Variants in TENM3 observed in about 807,000 individuals in gnomAD.
TENM3 encodes the protein teneurin transmembrane protein 3.
Under a neutral mutation model 255.1 loss-of-function variants are expected in TENM3, and 63 were observed. The ratio of observed to expected loss-of-function variants is 0.25; its 90% CI spans 0.20 to 0.30. TENM3 has a LOEUF of 0.30. TENM3 is among the 10% of genes least tolerant of loss of function. The pLI is 1.00. For missense variants in TENM3, 2,929 were observed against 3,461.1 expected (o/e 0.85, Z 3.86); for synonymous variants, 1,306 against 1,322.3 (o/e 0.99, Z 0.27).
intron 14 of TENM3, 89 bp downstream of exon 14, chr4:182,729,270 A>C: frequency 8.9e-7 from 1 of 1,121,350 alleles, no homozygotes; most frequent in South Asian, 1.5e-5. Context: ...TGTGAACCTG[A>C]GGAAAGTGCT....
At chr4:181,458,570 T>G in the TENM3 span, among the ~76,000 whole-genome samples, 1 of 151,876 alleles carries the variant, frequency 6.6e-6, no homozygotes, top group Non-Finnish European at 1.5e-5. Context: ...ACAGTTTACT[T>G]TGCATATTCT....
At chr4:181,902,263 T>A in the TENM3 span, among the ~76,000 whole-genome samples, 1 of 152,068 alleles carries the variant, frequency 6.6e-6, no homozygotes, top group Non-Finnish European at 1.5e-5. Context: ...TAGACCTTTA[T>A]CAGATGGGTA....
chr4:181,805,488 A>T, the TENM3 span, among the ~76,000 whole-genome samples: 1 of 152,094 alleles, frequency 6.6e-6, no homozygotes, highest in Non-Finnish European at 1.5e-5. Flanking sequence ...CTCAGGGAAG[A>T]ATTTCCTTGC....
chr4:182,189,337 C>CA (rs1229617937), intron 1 of TENM3, among the ~76,000 whole-genome samples: 12 of 151,912 alleles, frequency 7.9e-5, no homozygotes, highest in Non-Finnish European at 1.6e-4. Context: ...CCGTGTCATA[C>CA]AAAAAATATT....
chr4:181,539,890 T>A, the TENM3 span, among the ~76,000 whole-genome samples: 1 of 152,212 alleles, frequency 6.6e-6, no homozygotes, highest in African/African-American at 2.4e-5. Context: ...TATTTACAAG[T>A]ACAACTATTT....
chr4:181,905,582 G>A, the TENM3 span, among the ~76,000 whole-genome samples: 1 of 141,446 alleles, frequency 7.1e-6, no homozygotes, highest in African/African-American at 2.6e-5. Flanking sequence ...TCTTTTACAT[G>A]AACTACTATG....
chr4:182,460,024 G>A (rs1774212734), intron 3 of TENM3, among the ~76,000 whole-genome samples: 1 of 152,096 alleles, frequency 6.6e-6, no homozygotes. Context: ...ATAAGGGGAT[G>A]TCTCCTTCTA....
At chr4:181,448,016 G>A in the TENM3 span, among the ~76,000 whole-genome samples, 1 of 151,874 alleles carries the variant, frequency 6.6e-6, no homozygotes, top group Admixed American at 6.6e-5. Flanking sequence ...ATGGAAACTC[G>A]CAAGCAGAGA....
chr4:182,535,700 A>G (rs1230504899), intron 3 of TENM3, among the ~76,000 whole-genome samples: 1 of 151,904 alleles, frequency 6.6e-6, no homozygotes, highest in Admixed American at 6.6e-5. Flanking sequence ...TGATCGCGCC[A>G]CTGCACTCCA....
At chr4:181,911,150 C>G in the TENM3 span, among the ~76,000 whole-genome samples, 2 of 152,162 alleles carry the variant, frequency 1.3e-5, no homozygotes, top group Non-Finnish European at 2.9e-5. Flanking sequence ...GTAATTTGGT[C>G]AGAACACATG....
the TENM3 span, among the ~76,000 whole-genome samples, chr4:181,808,324 T>C: frequency 8.5e-5 from 13 of 152,196 alleles, 1 homozygote; most frequent in African/African-American, 3.1e-4. Flanking sequence ...GACACTGCTG[T>C]CACTAAATAA....
the TENM3 span, among the ~76,000 whole-genome samples, chr4:181,888,588 A>ATGAGTG: frequency 1.2e-4 from 2 of 16,034 alleles, no homozygotes; most frequent in South Asian, 2.2e-3. Flanking sequence ...ACATATATAT[A>ATGAGTG]TGCGTGTGTG....
the TENM3 span, among the ~76,000 whole-genome samples, chr4:181,515,695 A>G: frequency 2.6e-5 from 4 of 152,058 alleles, no homozygotes; most frequent in Non-Finnish European, 5.9e-5. Context: ...GACACTGTTA[A>G]ATACCTCTTC....
At chr4:182,381,724 G>A (rs978531934) in intron 3 of TENM3, among the ~76,000 whole-genome samples, 3 of 152,028 alleles carry the variant, frequency 2.0e-5, no homozygotes, top group African/African-American at 7.2e-5. Flanking sequence ...ACCACGCCCG[G>A]CTAATTGTGT....
the TENM3 span, among the ~76,000 whole-genome samples, chr4:181,748,313 G>A: frequency 3.3e-5 from 5 of 151,880 alleles, no homozygotes; most frequent in South Asian, 4.2e-4. Flanking sequence ...TGCATTCTCC[G>A]GTAGAATTTA....
chr4:182,297,193 A>G (rs1176288302), intron 1 of TENM3, among the ~76,000 whole-genome samples: 1 of 152,182 alleles, frequency 6.6e-6, no homozygotes, highest in African/African-American at 2.4e-5. Context: ...AATTCCCATC[A>G]TATAACTGGG....
At chr4:181,991,088 A>C in the TENM3 span, among the ~76,000 whole-genome samples, 12 of 152,174 alleles carry the variant, frequency 7.9e-5, no homozygotes, top group Admixed American at 3.9e-4. Flanking sequence ...GAAATGCTAC[A>C]TTAAGCGTGA....
intron 3 of TENM3, among the ~76,000 whole-genome samples, chr4:182,389,673 G>C (rs1187994940): frequency 1.4e-5 from 2 of 147,226 alleles, no homozygotes; most frequent in Non-Finnish European, 3.0e-5. Context: ...TTGCAAAGCT[G>C]CACTGCAGTA....
At chr4:182,170,207 T>C (rs1752008306) in intron 1 of TENM3, among the ~76,000 whole-genome samples, 1 of 152,036 alleles carries the variant, frequency 6.6e-6, no homozygotes, top group Admixed American at 6.6e-5. Context: ...AACTAGGGCT[T>C]GGCAATTTGT....
Sources: gnomAD v4.1 joint callset for allele counts (sites outside exome capture counted in the v4.1 genomes callset) on GRCh38, gnomAD v4.1.1 for gene constraint, MANE v1.5 for transcripts, NCBI Gene and HGNC (gene_info 2026-07-23, HGNC 2026-07-21) for gene names.